The following ANKS1A variants were observed in gnomAD, a reference collection of about 807,000 sequenced individuals.
The protein encoded by ANKS1A is ankyrin repeat and sterile alpha motif domain containing 1A, also known as ankyrin repeat and SAM domain-containing protein 1A.
Under a neutral mutation model 120.3 loss-of-function variants are expected in ANKS1A, and 55 were observed. The observed-to-expected ratio is 0.46, with a 90% CI of 0.37 to 0.57. The LOEUF (loss-of-function observed/expected upper bound fraction) is 0.57. Ranked by LOEUF, ANKS1A falls within the 20% of genes least tolerant of loss-of-function variation. ANKS1A has a pLI of 0.00. For synonymous variants in ANKS1A, 590 were observed against 604.7 expected (o/e 0.98, Z 0.36); for missense variants, 1,123 against 1,480.3 (o/e 0.76, Z 3.96).
chr6:34,940,087 T>G (rs189410516), intron 1 of ANKS1A, among the ~76,000 whole-genome samples: 1 of 152,232 alleles, frequency 6.6e-6, no homozygotes, highest in African/African-American at 2.4e-5. Flanking sequence ...AGGCCAAGAA[T>G]AGTTACAAGA....
intron 9 of ANKS1A, 92 bp downstream of exon 9, chr6:34,989,408 C>A (rs1410436830): frequency 8.9e-7 from 1 of 1,126,562 alleles, no homozygotes; most frequent in Non-Finnish European, 1.3e-6. Context: ...GCTTTCTCAT[C>A]TTCTCATCAG....
intron 11 of ANKS1A, among the ~76,000 whole-genome samples, chr6:35,028,378 G>A (rs1218352366): frequency 6.6e-6 from 1 of 150,850 alleles, no homozygotes; most frequent in Non-Finnish European, 1.5e-5. Context: ...AAGGTCATAG[G>A]CTGTTTCTGT....
intron 11 of ANKS1A, among the ~76,000 whole-genome samples, chr6:35,043,760 T>C (rs532193093): frequency 6.6e-5 from 10 of 152,336 alleles, no homozygotes; most frequent in Admixed American, 4.6e-4. Flanking sequence ...TTTCTTCCAA[T>C]GTAGATCTAC....
At chr6:34,953,135 A>G (rs1421127491) in intron 1 of ANKS1A, among the ~76,000 whole-genome samples, 1 of 152,218 alleles carries the variant, frequency 6.6e-6, no homozygotes, top group Non-Finnish European at 1.5e-5. Context: ...TATGTGCCAT[A>G]TGCAGTGCTT....
intron 11 of ANKS1A, among the ~76,000 whole-genome samples, chr6:35,026,629 C>T (rs78723113): frequency 0.021 from 3,233 of 152,050 alleles, 94 homozygotes; most frequent in African/African-American, 0.064. Context: ...TTGAGGAGGA[C>T]GTGAAGGAGC....
chr6:35,087,889 C>T (rs1237564873), intron 23 of ANKS1A, among the ~76,000 whole-genome samples: 1 of 152,250 alleles, frequency 6.6e-6, no homozygotes, highest in Non-Finnish European at 1.5e-5. Flanking sequence ...CTATCTTCGC[C>T]ATGGAGTCTC....
rs1254199148 is a variant in ANKS1A at position 35,060,975 on chromosome 6, C to T, written c.2184+722C>T. On this transcript the variant is annotated intron_variant, in intron 13 of 23. Transcript: ENST00000360359. The surrounding 1 kb of genome is among the most constrained non-coding windows in gnomAD (Gnocchi z 4.5). ...TTGGAAGCCCTTCTAGAGGCATCTG[C>T]ATGCGCCGGGCCTGCTTCCAGGAGC... Among the ~76,000 whole-genome samples, 1 of 152,216 alleles carries T rather than the reference C, an allele frequency of 6.6e-6. No individual in the cohort carries two copies. The highest frequency in any genetic ancestry group is 1.5e-5 in the Non-Finnish European group (1 of 68,034).
intron 1 of ANKS1A, among the ~76,000 whole-genome samples, chr6:34,915,640 GT>G (rs879520287): frequency 1.1e-3 from 170 of 150,916 alleles, no homozygotes; most frequent in Non-Finnish European, 2.0e-3. Flanking sequence ...CTGTATCTTT[GT>G]TTTTTTTTCT....
chr6:35,055,867 T>C (rs1490513455), intron 12 of ANKS1A, among the ~76,000 whole-genome samples: 2 of 152,212 alleles, frequency 1.3e-5, no homozygotes, highest in Non-Finnish European at 2.9e-5. Flanking sequence ...CTGGCTAAAT[T>C]TGTGGATCTG....
chr6:34,940,769 G>A (rs575773660), intron 1 of ANKS1A, among the ~76,000 whole-genome samples: 4 of 151,908 alleles, frequency 2.6e-5, no homozygotes, highest in South Asian at 2.1e-4. Flanking sequence ...TTAGCTGGGC[G>A]TGGTGGCGGG....
Position 35,060,932 on chromosome 6 carries a change from C to T in ANKS1A, c.2184+679C>T, listed in dbSNP as rs1434664946. Among the ~76,000 whole-genome samples, 1 of 152,210 alleles carries T rather than the reference C, an allele frequency of 6.6e-6. No homozygotes were observed. Among genetic ancestry groups the T allele is most frequent in the Non-Finnish European group, 1.5e-5 (1 of 68,040 alleles). On this transcript the variant is annotated intron_variant, in intron 13 of 23. Coordinates refer to ENST00000360359, the MANE Select transcript of ANKS1A (RefSeq NM_015245.3). The surrounding 1 kb of genome is among the most constrained non-coding windows in gnomAD (Gnocchi z 4.5). ...TCAGAAAGTAGCTCTGATCAGGGTA[C>T]CTGTCACTGTCCCTCTCTTGGAAGC...
At chr6:34,915,465 A>G (rs900430891) in intron 1 of ANKS1A, among the ~76,000 whole-genome samples, 2 of 151,760 alleles carry the variant, frequency 1.3e-5, no homozygotes, top group East Asian at 1.9e-4. Context: ...TCCTGCCCCA[A>G]CCTCCCGAGT....
chr6:35,051,407 G>A (rs7772463), intron 11 of ANKS1A, among the ~76,000 whole-genome samples: 2 of 152,146 alleles, frequency 1.3e-5, no homozygotes, highest in African/African-American at 2.4e-5. Flanking sequence ...CTGGGGCTTC[G>A]GATGTTAAGT....
At chr6:35,039,192 C>CTTTTT (rs35565672) in intron 11 of ANKS1A, among the ~76,000 whole-genome samples, 47 of 83,798 alleles carry the variant, frequency 5.6e-4, no homozygotes, top group Non-Finnish European at 7.5e-4. Flanking sequence ...CTCCCTCATA[C>CTTTTT]TTTTTTTTTT....
intron 11 of ANKS1A, among the ~76,000 whole-genome samples, chr6:35,045,963 C>T (rs1256530089): frequency 6.6e-6 from 1 of 152,150 alleles, no homozygotes; most frequent in Non-Finnish European, 1.5e-5. Context: ...ATGAATGAGC[C>T]TTCAATGTAG....
intron 10 of ANKS1A, among the ~76,000 whole-genome samples, chr6:34,999,164 G>A (rs1010653028): frequency 9.2e-5 from 14 of 152,170 alleles, no homozygotes; most frequent in African/African-American, 2.2e-4. Flanking sequence ...GATCATCCAC[G>A]GTGTGCCTTT....
chr6:35,070,274 C>T (rs901526285), intron 13 of ANKS1A, among the ~76,000 whole-genome samples: 5 of 152,034 alleles, frequency 3.3e-5, no homozygotes, highest in African/African-American at 9.7e-5. Flanking sequence ...AACTCTTTCC[C>T]AGCTTAACCC....
intron 1 of ANKS1A, among the ~76,000 whole-genome samples, chr6:34,948,818 G>A (rs1355106506): frequency 3.3e-5 from 5 of 152,166 alleles, no homozygotes; most frequent in African/African-American, 1.2e-4. Context: ...ATCTTGGTAG[G>A]TCACTTCATA....
At chr6:34,925,325 G>A (rs889869704) in intron 1 of ANKS1A, among the ~76,000 whole-genome samples, 1 of 152,160 alleles carries the variant, frequency 6.6e-6, no homozygotes, top group African/African-American at 2.4e-5. Flanking sequence ...CCCATAGAAT[G>A]GCTTTCCTCA....
Sources: gnomAD v4.1 joint callset for allele counts (sites outside exome capture counted in the v4.1 genomes callset) on GRCh38, gnomAD v4.1.1 for gene constraint, Gnocchi (gnomAD v3.1) non-coding constraint, MANE v1.5 for transcripts, NCBI Gene and HGNC (gene_info 2026-07-23, HGNC 2026-07-21) for gene names.